SPG7: variants seen among roughly 807,000 people sequenced by gnomAD.
The protein encoded by SPG7 is SPG7 matrix AAA peptidase subunit, paraplegin, also known as mitochondrial inner membrane m-AAA protease component paraplegin.
Under a neutral mutation model 81.9 loss-of-function variants are expected in SPG7, and 103 were observed. The observed-to-expected ratio is 1.26, with a 90% confidence interval of 1.07 to 1.48. SPG7 has a LOEUF of 1.48. SPG7 is among the 40% of genes most tolerant of loss of function. The pLI, the probability that SPG7 is intolerant of heterozygous loss-of-function variation, is 0.00. For synonymous variants in SPG7, 534 were observed against 444.2 expected, an observed-to-expected ratio of 1.20 and a Z score of -2.54; for missense variants, 1,241 against 1,087.3, an observed-to-expected ratio of 1.14 and a Z score of -1.99.
Position 89,526,320 on chromosome 16 carries a change from G to GC in SPG7, c.619-3dup, listed in dbSNP as rs778915777. ...TTTCTCATGGTCCCCTCTCCTTTCTGCCCCCCAGCGGCTAGCCTTGATGTA... is the reference window on the plus strand; with the variant it reads ...TTTCTCATGGTCCCCTCTCCTTTCTGCCCCCCCAGCGGCTAGCCTTGATGTA... On this transcript the variant is annotated splice_polypyrimidine_tract_variant and intron_variant, in intron 4 of 16. Transcript: ENST00000645818. 4 of 1,613,734 alleles carry GC rather than the reference G, an allele frequency of 2.5e-6. No homozygotes were observed. The highest frequency in any genetic ancestry group is 1.3e-5 in the African/African-American group (1 of 74,850).
intron 10 of SPG7, chr16:89,545,832 T>A (rs971298205): frequency 2.4e-6 from 1 of 410,554 alleles, no homozygotes; most frequent in Non-Finnish European, 4.8e-6. Flanking sequence ...TCTGCTATAA[T>A]TTTTTCTTTT....
intron 10 of SPG7, chr16:89,546,274 T>C (rs958522513): frequency 9.3e-6 from 3 of 322,460 alleles, no homozygotes; most frequent in South Asian, 7.6e-5. Context: ...TTAGTAGGGA[T>C]GGGGTTTCAC....
At chr16:89,555,284 T>C (rs1185723076) in intron 16 of SPG7, 2 of 152,610 alleles carry the variant, frequency 1.3e-5, no homozygotes, top group African/African-American at 2.4e-5. Context: ...TTTTACCACA[T>C]TGGCCAGGCT....
intron 2 of SPG7, among the ~76,000 whole-genome samples, chr16:89,511,811 C>T (rs1259223151): frequency 6.6e-6 from 1 of 152,188 alleles, no homozygotes; most frequent in African/African-American, 2.4e-5. Flanking sequence ...CTTCAACCTC[C>T]TGGGCCCAGG....
Position 89,557,107 on chromosome 16 carries a change from G to A in SPG7, c.*14G>A. 1.2e-6 allele frequency: 2 copies of A among 1,607,194 alleles called. No homozygotes were observed. The highest frequency in any genetic ancestry group is 8.5e-7 in the Non-Finnish European group (1 of 1,176,846). ...TGGCCCAAGTAGTTGGGAGGTGTTG[G>A]CTGCACGTGCGGGTGGTCCGGGAAG... On this transcript the variant is annotated 3_prime_UTR_variant, in exon 17 of 17. Coordinates refer to ENST00000645818, the MANE Select transcript of SPG7 (RefSeq NM_003119.4).
At chr16:89,553,540 T>G (rs1223169182) in intron 14 of SPG7, 1 of 559,380 alleles carries the variant, frequency 1.8e-6, no homozygotes, top group East Asian at 3.1e-5. Flanking sequence ...GCTTGAGAAC[T>G]GCCATGCAGT....
Position 89,537,335 on chromosome 16 carries a change from G to A in SPG7, c.1324+4699G>A, listed in dbSNP as rs2058439027. 7.6e-6 allele frequency: 9 copies of A among 1,185,880 alleles called. No individual in the cohort carries two copies. In the South Asian group the frequency reaches 2.0e-4, roughly 27 times the overall value. The allele number at this position is 1,185,880 out of a possible 1,614,324, so 73.5% of individuals were successfully genotyped here. A position where few individuals can be genotyped will look rare whatever the true frequency, so the allele number is the denominator to read the frequency against. Reference sequence around the variant, plus strand: ...GAGCACTGGAGGCACCGCCGGCGATGGACGTCCAGGTCCCGGCTCCTGTGC... The same window carrying A: ...GAGCACTGGAGGCACCGCCGGCGATAGACGTCCAGGTCCCGGCTCCTGTGC... On this transcript the variant is annotated intron_variant, in intron 9 of 16. Coordinates refer to ENST00000645818, the MANE Select transcript of SPG7 (RefSeq NM_003119.4).
At chr16:89,525,572 T>A (rs943452102) in intron 4 of SPG7, among the ~76,000 whole-genome samples, 1 of 151,708 alleles carries the variant, frequency 6.6e-6, no homozygotes, top group African/African-American at 2.4e-5. Context: ...TCAAAGAGAG[T>A]CCCGCAAGTC....
At chr16:89,536,643 A>T in intron 9 of SPG7, 1 of 1,155,310 alleles carries the variant, frequency 8.7e-7, no homozygotes, top group Non-Finnish European at 1.2e-6. Flanking sequence ...GAGGCGGGCG[A>T]GGTGGGCGAG....
chr16:89,536,787 C>T (rs1244113333), intron 9 of SPG7: 5 of 1,614,116 alleles, frequency 3.1e-6, no homozygotes, highest in East Asian at 2.2e-5. Context: ...ACCAGCTACC[C>T]TCCCAGGGGA....
chr16:89,509,539 C>T (rs1241393166), intron 1 of SPG7, among the ~76,000 whole-genome samples: 3 of 152,024 alleles, frequency 2.0e-5, no homozygotes, highest in South Asian at 2.1e-4. Flanking sequence ...CGTGAGCCAC[C>T]GCGCCCGGCC....
At chr16:89,512,547 G>A (rs1397405860) in intron 2 of SPG7, among the ~76,000 whole-genome samples, 2 of 152,056 alleles carry the variant, frequency 1.3e-5, no homozygotes, top group East Asian at 1.9e-4. Flanking sequence ...TCCTGACCTC[G>A]TGAACCACCT....
chr16:89,536,839 CTCACGGAGCCCACAGGG>C, intron 9 of SPG7: 1 of 1,614,178 alleles, frequency 6.2e-7, no homozygotes. Flanking sequence ...CTGCTCCTGT[CTCACGGAGCCCACAGGG>C]TCACGGAGGG....
chr16:89,537,079 A>C (rs2058434942), intron 9 of SPG7: 1 of 1,549,110 alleles, frequency 6.5e-7, no homozygotes, highest in African/African-American at 1.4e-5. Flanking sequence ...TGCCAGCTCT[A>C]AACAAGTCCC....
At chr16:89,519,076 C>T (rs4569280) in intron 3 of SPG7, 67,852 of 151,304 alleles carry the variant, frequency 0.45, 15,520 homozygotes, top group East Asian at 0.67. Flanking sequence ...CTCCACCTCC[C>T]GGGTTCAAGC....
intron 3 of SPG7, chr16:89,523,598 C>T (rs961911534): frequency 1.2e-5 from 5 of 420,198 alleles, no homozygotes; most frequent in Admixed American, 7.7e-5. Context: ...CGTTTCTTTT[C>T]TGAGACAGGG....
At chr16:89,536,700 C>G (rs1422995901) in intron 9 of SPG7, 12 of 1,597,422 alleles carry the variant, frequency 7.5e-6, no homozygotes, top group Non-Finnish European at 1.0e-5. Context: ...CTGCGCTGCT[C>G]TGGCTGTGTG....
At chr16:89,512,746 G>C (rs970143008) in intron 2 of SPG7, among the ~76,000 whole-genome samples, 1 of 152,216 alleles carries the variant, frequency 6.6e-6, no homozygotes, top group African/African-American at 2.4e-5. Context: ...AGTTAAAATA[G>C]TTTATTATTT....
chr16:89,544,291 A>C, intron 9 of SPG7: 1 of 336,216 alleles, frequency 3.0e-6, no homozygotes, highest in Non-Finnish European at 5.8e-6. Context: ...AAAATGTTAC[A>C]AAGTCACAAT....
Sources: allele counts gnomAD v4.1 joint callset (sites outside exome capture counted in the v4.1 genomes callset), GRCh38; gene constraint gnomAD v4.1.1; transcripts MANE v1.5; gene names NCBI Gene and HGNC (gene_info 2026-07-23, HGNC 2026-07-21).